PPP2R2B: variants seen among roughly 807,000 people sequenced by gnomAD.
PPP2R2B encodes the protein serine/threonine-protein phosphatase 2A 55 kDa regulatory subunit B beta isoform.
In PPP2R2B, 5 loss-of-function variants were observed where a neutral mutation model predicts 46.0. The ratio of observed to expected loss-of-function variants is 0.11; its 90% CI spans 0.06 to 0.23. The LOEUF (loss-of-function observed/expected upper bound fraction) is 0.23, where lower values mean the gene tolerates loss of function less well. Ranked by LOEUF, PPP2R2B falls within the 10% of genes least tolerant of loss-of-function variation. The pLI is 1.00. For missense variants in PPP2R2B, 367 were observed against 575.0 expected (o/e 0.64, Z 3.70); for synonymous variants, 215 against 206.7 (o/e 1.04, Z -0.34).
Position 146,740,573 on chromosome 5 carries a change from TCACACACACACACACA to T in PPP2R2B, c.71-39447_71-39432del, listed in dbSNP as rs3995489. On this transcript the variant is annotated intron_variant, in intron 2 of 9. Transcript: ENST00000394411. ...GCCAAATTAATATTTTAAAATGAGA[TCACACACACACACACA>T]CACACACACACACACACACACACAC... Among the ~76,000 whole-genome samples the T allele has an allele frequency of 3.6e-3, 500 of 138,108 alleles. 4 individuals carry two copies. Among genetic ancestry groups the T allele is most frequent in the East Asian group, 0.016 (73 of 4,518 alleles). 90.6% of individuals were successfully genotyped at this position (138,108 alleles called of 152,430 possible).
intron 2 of PPP2R2B, among the ~76,000 whole-genome samples, chr5:146,722,735 T>C (rs1296942030): frequency 6.6e-6 from 1 of 152,234 alleles, no homozygotes; most frequent in Non-Finnish European, 1.5e-5. Context: ...TTTTGCAATG[T>C]TGCACAATCA....
At chr5:146,629,677 C>T (rs984202152) in intron 7 of PPP2R2B, among the ~76,000 whole-genome samples, 2 of 152,118 alleles carry the variant, frequency 1.3e-5, no homozygotes, top group African/African-American at 4.8e-5. Context: ...TAGACCCAGC[C>T]TACCTCTCTG....
chr5:146,832,468 C>T (rs370350286), intron 2 of PPP2R2B, among the ~76,000 whole-genome samples: 117 of 147,372 alleles, frequency 7.9e-4, no homozygotes, highest in Admixed American at 2.6e-3. Context: ...GTTGGCTCAC[C>T]GCAACCTCCG....
intron 1 of PPP2R2B, among the ~76,000 whole-genome samples, chr5:146,937,467 G>C (rs996967712): frequency 6.6e-6 from 1 of 152,170 alleles, no homozygotes; most frequent in Non-Finnish European, 1.5e-5. Flanking sequence ...GTGTTATTAA[G>C]GGGTTACTTA....
At chr5:146,883,450 C>T (rs1346837007), upstream of PPP2R2B, among the ~76,000 whole-genome samples, 1 of 152,228 alleles carries the variant, frequency 6.6e-6, no homozygotes, top group African/African-American at 2.4e-5. Context: ...GCCTATCAAT[C>T]TGTCTTAATG....
At chr5:146,954,128 CTTTT>C (rs3062371) in intron 1 of PPP2R2B, among the ~76,000 whole-genome samples, 2 of 144,038 alleles carry the variant, frequency 1.4e-5, no homozygotes. Flanking sequence ...TACCAAGAGA[CTTTT>C]TTTTTTTTTT....
intron 1 of PPP2R2B, among the ~76,000 whole-genome samples, chr5:146,983,822 T>C (rs1341779993): frequency 6.6e-6 from 1 of 152,062 alleles, no homozygotes; most frequent in East Asian, 1.9e-4. Flanking sequence ...TTTCTTCTTT[T>C]ATAATTTTTT....
At chr5:146,828,130 G>T (rs1758694958) in intron 2 of PPP2R2B, among the ~76,000 whole-genome samples, 1 of 152,062 alleles carries the variant, frequency 6.6e-6, no homozygotes, top group African/African-American at 2.4e-5. Flanking sequence ...GCCCCCTCCT[G>T]CATGATCATG....
chr5:146,918,297 C>T (rs1763466278), intron 1 of PPP2R2B: 1 of 152,158 alleles, frequency 6.6e-6, no homozygotes, highest in Non-Finnish European at 1.5e-5. Flanking sequence ...CCCAGCCTTT[C>T]AGGATTTCCA....
At chr5:146,934,604 A>G (rs1179518161) in intron 1 of PPP2R2B, among the ~76,000 whole-genome samples, 2 of 150,528 alleles carry the variant, frequency 1.3e-5, no homozygotes, top group Non-Finnish European at 1.5e-5. Context: ...AAAAAAAAAA[A>G]AAAAAAAAGA....
chr5:146,872,131 A>G (rs1761649896), intron 2 of PPP2R2B, among the ~76,000 whole-genome samples: 3 of 152,170 alleles, frequency 2.0e-5, no homozygotes, highest in African/African-American at 7.2e-5. Context: ...CTGGCCTAAT[A>G]TTATTCACCC....
intron 1 of PPP2R2B, among the ~76,000 whole-genome samples, chr5:146,891,158 G>C (rs1277714370): frequency 6.6e-6 from 1 of 152,200 alleles, no homozygotes; most frequent in African/African-American, 2.4e-5. Flanking sequence ...GGTCAGTAAA[G>C]TGTAATAGGC....
At chr5:146,763,207 G>A (rs1754271824) in intron 2 of PPP2R2B, among the ~76,000 whole-genome samples, 2 of 152,198 alleles carry the variant, frequency 1.3e-5, no homozygotes, top group South Asian at 4.1e-4. Context: ...GACCTGCTCA[G>A]GGTCTAGTAA....
intron 2 of PPP2R2B, among the ~76,000 whole-genome samples, chr5:146,702,766 T>A (rs1437736808): frequency 6.6e-6 from 1 of 152,266 alleles, no homozygotes; most frequent in African/African-American, 2.4e-5. Flanking sequence ...ACTTCTAATG[T>A]ACAGAGTCTT....
intron 1 of PPP2R2B, among the ~76,000 whole-genome samples, chr5:146,990,180 C>T (rs1381814311): frequency 1.3e-5 from 2 of 151,446 alleles, no homozygotes; most frequent in Non-Finnish European, 2.9e-5. Context: ...AAATTCAGTG[C>T]AATTTCTGTC....
intron 2 of PPP2R2B, among the ~76,000 whole-genome samples, chr5:146,859,431 G>A (rs1426956981): frequency 6.6e-6 from 1 of 152,190 alleles, no homozygotes; most frequent in Non-Finnish European, 1.5e-5. Context: ...ATTCTTAAGA[G>A]TTGAAAACTA....
rs1372654656 is a variant in PPP2R2B, at chr5:146,691,116, G to A, written c.447+12C>T. The A allele has an allele frequency of 6.2e-7, 1 of 1,611,960 alleles. No homozygotes were observed. The highest frequency in any genetic ancestry group is 1.7e-5 in the Admixed American group (1 of 60,000). On this transcript the variant is annotated intron_variant, in intron 5 of 9. Coordinates refer to ENST00000394411, the MANE Select transcript of PPP2R2B (RefSeq NM_181675.4). ...CCTGACTGTGGTGGCCAGGGCAGCT[G>A]TTTGCACTCACCCGCAGGGTTGTGA...
chr5:147,016,371 A>G (rs1297278897), intron 1 of PPP2R2B, among the ~76,000 whole-genome samples: 2 of 151,418 alleles, frequency 1.3e-5, no homozygotes, highest in African/African-American at 2.4e-5. Context: ...GGGGGGGACA[A>G]TCATCTTCTA....
chr5:146,715,091 T>C (rs1561853405), intron 2 of PPP2R2B, among the ~76,000 whole-genome samples: 2 of 152,118 alleles, frequency 1.3e-5, no homozygotes, highest in African/African-American at 2.4e-5. Context: ...TAATATCTTA[T>C]AGAAACAAGT....
Sources: allele counts gnomAD v4.1 joint callset (sites outside exome capture counted in the v4.1 genomes callset), GRCh38; gene constraint gnomAD v4.1.1; transcripts MANE v1.5; gene names NCBI Gene and HGNC (gene_info 2026-07-23, HGNC 2026-07-21).